Variants in DHRSX observed in about 807,000 individuals in gnomAD.
DHRSX encodes dehydrogenase/reductase X-linked, also known as polyprenol dehydrogenase.
A neutral mutation model predicts 34.0 loss-of-function variants in DHRSX; 31 were observed. The observed-to-expected ratio is 0.91, with a 90% CI of 0.69 to 1.23. DHRSX has a LOEUF of 1.23. Among genes scored for constraint, DHRSX ranks in the 50% most tolerant of loss-of-function variants. DHRSX has a pLI of 0.00. For synonymous variants in DHRSX, 201 were observed against 183.8 expected (o/e 1.09, Z -0.76); for missense variants, 414 against 428.1 (o/e 0.97, Z 0.29).
At chrX:2,305,236 G>A (rs994260649) in intron 3 of DHRSX, among the ~76,000 whole-genome samples, 3 of 151,934 alleles carry the variant, frequency 2.0e-5, no homozygotes, top group Non-Finnish European at 4.4e-5. Context: ...AGAGCATCAG[G>A]AAAAATAGCT....
rs529896909 is a variant in DHRSX at position 2,343,618 on chromosome X, G to A, written c.287-52015C>T. 2.0e-4 allele frequency among the ~76,000 whole-genome samples: 31 copies of A among 152,200 alleles called. No individual in the cohort carries two copies. The East Asian group carries it at 4.1e-3, about 20-fold the overall frequency. ...TCTTGCTGTCACTTGTAATCATTAC[G>A]CAGCATCCACCGCAAAAGGCTCTGC... On this transcript the variant is annotated intron_variant, in intron 3 of 6. Transcript: ENST00000334651.
At chrX:2,475,123 G>T (rs769549333) in intron 1 of DHRSX, among the ~76,000 whole-genome samples, 1 of 138,184 alleles carries the variant, frequency 7.2e-6, no homozygotes, top group African/African-American at 2.9e-5. Flanking sequence ...GCAACCAAGG[G>T]ACCACTGCTG....
chrX:2,243,811 T>G (rs1428236685), intron 5 of DHRSX, among the ~76,000 whole-genome samples: 3 of 124,884 alleles, frequency 2.4e-5, no homozygotes, highest in East Asian at 2.5e-4. Flanking sequence ...TTTTTTTTTT[T>G]TTTTTTTTTT....
chrX:2,221,791 A>T (rs1302854536), intron 6 of DHRSX, among the ~76,000 whole-genome samples: 1 of 152,166 alleles, frequency 6.6e-6, no homozygotes, highest in East Asian at 1.9e-4. Context: ...ATTTTACCCT[A>T]GTGGAAGGCG....
At chrX:2,310,673 G>A (rs2042153484) in intron 3 of DHRSX, among the ~76,000 whole-genome samples, 1 of 151,880 alleles carries the variant, frequency 6.6e-6, no homozygotes, top group African/African-American at 2.4e-5. Context: ...GGGAGAGAAA[G>A]AGAGAGACAG....
intron 4 of DHRSX, among the ~76,000 whole-genome samples, chrX:2,289,714 C>T (rs1439947018): frequency 1.3e-5 from 2 of 152,202 alleles, no homozygotes; most frequent in African/African-American, 4.8e-5. Context: ...ATTCTAATCA[C>T]TTCTAATACT....
At chrX:2,448,470 C>T (rs1329041525) in intron 1 of DHRSX, among the ~76,000 whole-genome samples, 1 of 150,834 alleles carries the variant, frequency 6.6e-6, no homozygotes, top group Non-Finnish European at 1.5e-5. Flanking sequence ...TTTACATATT[C>T]TGACCACAAA....
chrX:2,403,524 G>T (rs1011094529), intron 3 of DHRSX, among the ~76,000 whole-genome samples: 6 of 152,098 alleles, frequency 3.9e-5, no homozygotes, highest in African/African-American at 1.2e-4. Context: ...ACTGATGATC[G>T]AATATCCTAC....
chrX:2,490,659 C>T (rs747063221), intron 1 of DHRSX: 1 of 1,613,954 alleles, frequency 6.2e-7, no homozygotes, highest in Non-Finnish European at 8.5e-7. Context: ...TTGCTCTTGG[C>T]GCGGGGGTGG....
rs758650967 is a variant in DHRSX at position 2,374,416 on chromosome X, T to C, written c.286+34329A>G. Among the ~76,000 whole-genome samples the C allele has an allele frequency of 3.3e-5, 5 of 151,530 alleles. No homozygotes were observed. The South Asian group carries it at 6.3e-4, about 19-fold the overall frequency. The stretch of plus-strand genomic sequence containing the variant: ...GAGTTCAAGACCACCCAGGGCAACA[T>C]AGTGAGACCCCATCCAAAAAATAAA... On this transcript the variant is annotated intron_variant, in intron 3 of 6. Transcript: ENST00000334651.
chrX:2,321,586 C>T (rs2042312197), intron 3 of DHRSX, among the ~76,000 whole-genome samples: 1 of 139,626 alleles, frequency 7.2e-6, no homozygotes, highest in African/African-American at 3.4e-5. Flanking sequence ...CCACCCCCCT[C>T]TCTCTCTGCC....
chrX:2,304,023 T>TGATGGATGGATGGATGGATGGATG (rs745829295), intron 3 of DHRSX, among the ~76,000 whole-genome samples: 1 of 67,826 alleles, frequency 1.5e-5, no homozygotes, highest in Non-Finnish European at 3.1e-5. Flanking sequence ...ATGGATGAAC[T>TGATGGATGGATGGATGGATGGATG]GATGGATGGA....
At chrX:2,479,174 C>T (rs1469697400) in intron 1 of DHRSX, among the ~76,000 whole-genome samples, 3 of 151,506 alleles carry the variant, frequency 2.0e-5, no homozygotes, top group Non-Finnish European at 2.9e-5. Flanking sequence ...ACACTGAAGA[C>T]GTTCCCTAAG....
At chrX:2,420,667 C>T (rs1384233875) in intron 2 of DHRSX, among the ~76,000 whole-genome samples, 1 of 151,452 alleles carries the variant, frequency 6.6e-6, no homozygotes, top group Non-Finnish European at 1.5e-5. Context: ...CGCTTGAACC[C>T]GGGAGGCGGA....
intron 5 of DHRSX, among the ~76,000 whole-genome samples, chrX:2,254,157 C>T (rs1461820250): frequency 6.6e-6 from 1 of 152,104 alleles, no homozygotes; most frequent in Non-Finnish European, 1.5e-5. Context: ...AGCCAGTCTC[C>T]GTAGGCGGTG....
intron 3 of DHRSX, among the ~76,000 whole-genome samples, chrX:2,372,826 G>A (rs757883694): frequency 6.6e-6 from 1 of 152,052 alleles, no homozygotes; most frequent in South Asian, 2.1e-4. Context: ...TGGCGAGGCT[G>A]GTCTCGAACC....
chrX:2,358,423 C>T (rs1018627257), intron 3 of DHRSX, among the ~76,000 whole-genome samples: 7 of 152,102 alleles, frequency 4.6e-5, no homozygotes, highest in African/African-American at 1.4e-4. Context: ...GCTGGCCGGG[C>T]GCGGTGGCTC....
At chrX:2,333,444 C>T (rs1474156589) in intron 3 of DHRSX, among the ~76,000 whole-genome samples, 31 of 152,212 alleles carry the variant, frequency 2.0e-4, no homozygotes, top group African/African-American at 6.5e-4. Context: ...AGACAGAGTG[C>T]CACTCTGCCG....
rs190929953 is a variant in DHRSX at position 2,399,701 on chromosome X, G to A, written c.286+9044C>T. Among the ~76,000 whole-genome samples, 809 of 125,064 alleles carry A rather than the reference G, an allele frequency of 6.5e-3. 30 individuals carry two copies. The East Asian group carries it at 0.1, about 16-fold the overall frequency. 82.0% of individuals were successfully genotyped at this position (125,064 alleles called of 152,430 possible). A position where few individuals can be genotyped will look rare whatever the true frequency, so the allele number is the denominator to read the frequency against. On this transcript the variant is annotated intron_variant, in intron 3 of 6. Transcript: ENST00000334651. ...AGCCTGGGCAACAGAGCAAGACTCC[G>A]TCTCAAAACAAACAAACAAAAAGCA...
Sources: gnomAD v4.1 joint callset for allele counts (sites outside exome capture counted in the v4.1 genomes callset) on GRCh38, gnomAD v4.1.1 for gene constraint, MANE v1.5 for transcripts, NCBI Gene and HGNC (gene_info 2026-07-23, HGNC 2026-07-21) for gene names.